PCDH15: variants seen among roughly 807,000 people sequenced by gnomAD.
PCDH15 encodes protocadherin-15.
PCDH15 carries 129 observed loss-of-function variants against 178.5 expected under a neutral mutation model. The observed-to-expected ratio is 0.72, with a 90% CI of 0.63 to 0.84. PCDH15 has a LOEUF of 0.84. Among genes scored for constraint, PCDH15 ranks in the 40% least tolerant of loss-of-function variants. The probability of loss-of-function intolerance (pLI) is 0.00; values close to 1 mark genes in which losing one functional copy is unlikely to be tolerated. For synonymous variants in PCDH15, 800 were observed against 732.0 expected, an observed-to-expected ratio of 1.09 and a Z score of -1.50; for missense variants, 2,230 against 2,099.9, an observed-to-expected ratio of 1.06 and a Z score of -1.21.
At chr10:54,936,991 T>A (rs1733767) in intron 2 of PCDH15, among the ~76,000 whole-genome samples, 20,322 of 151,900 alleles carry the variant, frequency 0.13, 1,561 homozygotes, top group East Asian at 0.23. Context: ...TACGTTGAGG[T>A]CTATCATCTA....
In PCDH15 at chr10:54,107,387, G is replaced by A. The variant is rs151283645; in HGVS notation, c.1918-17324C>T. On this transcript the variant is annotated intron_variant, in intron 15 of 37. Transcript: ENST00000644397. The stretch of plus-strand genomic sequence containing the variant: ...CATTACAACGCTTAGTATGATAACC[G>A]TTTGCTCCTATTGCGGGTATGGGCT... Among the ~76,000 whole-genome samples, 573 of 152,248 alleles carry A rather than the reference G, an allele frequency of 3.8e-3. 10 individuals carry two copies. Among genetic ancestry groups the A allele is most frequent in the African/African-American group, 0.013 (534 of 41,532 alleles).
chr10:55,442,531 A>C (rs1839221047), intron 2 of PCDH15, among the ~76,000 whole-genome samples: 1 of 143,648 alleles, frequency 7.0e-6, no homozygotes, highest in African/African-American at 2.6e-5. Flanking sequence ...CTTACCATGA[A>C]GTCTGGACTG....
chr10:54,513,093 T>A (rs2137825769), intron 3 of PCDH15, among the ~76,000 whole-genome samples: 1 of 152,116 alleles, frequency 6.6e-6, no homozygotes, highest in Non-Finnish European at 1.5e-5. Flanking sequence ...TATGAAATAT[T>A]CTTAAATGTA....
intron 3 of PCDH15, among the ~76,000 whole-genome samples, chr10:54,507,220 G>C (rs1042966212): frequency 6.6e-6 from 1 of 151,686 alleles, no homozygotes; most frequent in Admixed American, 6.6e-5. Context: ...ATCCCAATGA[G>C]CTTTTGAGGT....
chr10:54,181,589 G>T (rs1478864569), intron 13 of PCDH15, among the ~76,000 whole-genome samples: 1 of 152,088 alleles, frequency 6.6e-6, no homozygotes, highest in Non-Finnish European at 1.5e-5. Context: ...GCCATCAGCA[G>T]CTACCGTATT....
At chr10:53,816,202 G>A (rs192315805) in intron 35 of PCDH15, 37 bp downstream of exon 35, 35 of 398,718 alleles carry the variant, frequency 8.8e-5, no homozygotes, top group African/African-American at 6.8e-4. Flanking sequence ...TCACAGTGAA[G>A]GCTCAGTGAG....
chr10:54,270,784 T>C (rs2057999471), intron 8 of PCDH15, among the ~76,000 whole-genome samples: 3 of 152,300 alleles, frequency 2.0e-5, no homozygotes, highest in African/African-American at 7.2e-5. Context: ...TGGTGACTAC[T>C]TACTGCTAGA....
At chr10:54,950,008 C>A (rs1838296137) in intron 2 of PCDH15, among the ~76,000 whole-genome samples, 1 of 152,000 alleles carries the variant, frequency 6.6e-6, no homozygotes, top group Middle Eastern at 3.2e-3. Context: ...CCAAACTGTT[C>A]CAACCTCTGC....
At chr10:54,441,119 T>C (rs2075768388) in intron 3 of PCDH15, among the ~76,000 whole-genome samples, 1 of 151,914 alleles carries the variant, frequency 6.6e-6, no homozygotes, top group South Asian at 2.1e-4. Context: ...AGGGTTGCAT[T>C]CTCATCTCTG....
At chr10:53,862,650 T>C (rs1238886702) in intron 27 of PCDH15, among the ~76,000 whole-genome samples, 1 of 152,176 alleles carries the variant, frequency 6.6e-6, no homozygotes, top group Non-Finnish European at 1.5e-5. Context: ...CAGGCTCCCT[T>C]CATCCATTTT....
rs374622326 is a variant in PCDH15, at chr10:53,961,733, A to G, written c.3009+19T>C. On this transcript the variant is annotated intron_variant, in intron 22 of 37. Transcript: ENST00000644397. Reference sequence around the variant, plus strand: ...AAATTAAACATCAAATAGACCACATAATGAAAAGAGACACTGACCTTAAAA... The same window carrying G: ...AAATTAAACATCAAATAGACCACATGATGAAAAGAGACACTGACCTTAAAA... 2.5e-6 allele frequency: 4 copies of G among 1,587,946 alleles called. No homozygotes were observed. The highest frequency in any genetic ancestry group is 3.4e-6 in the Non-Finnish European group (4 of 1,165,478).
At chr10:54,680,641 T>G (rs991737946) in intron 1 of PCDH15, among the ~76,000 whole-genome samples, 6 of 152,044 alleles carry the variant, frequency 3.9e-5, no homozygotes, top group African/African-American at 1.4e-4. Flanking sequence ...CACGGGGCAT[T>G]TTCCCCCATA....
At chr10:54,179,970 G>A (rs992545979) in intron 13 of PCDH15, among the ~76,000 whole-genome samples, 14 of 152,142 alleles carry the variant, frequency 9.2e-5, no homozygotes, top group African/African-American at 3.4e-4. Context: ...AAGAAAACTA[G>A]CAATGTGTGG....
At chr10:55,147,603 C>A (rs1396241657) in intron 2 of PCDH15, among the ~76,000 whole-genome samples, 1 of 150,806 alleles carries the variant, frequency 6.6e-6, no homozygotes, top group South Asian at 2.1e-4. Flanking sequence ...TTATGTCTCT[C>A]TTTGACTCCT....
chr10:54,036,290 A>G (rs925462861), intron 18 of PCDH15, among the ~76,000 whole-genome samples: 1 of 152,002 alleles, frequency 6.6e-6, no homozygotes, highest in Non-Finnish European at 1.5e-5. Flanking sequence ...TATGCCATCT[A>G]GAACTTCCGT....
At chr10:54,889,212 C>T (rs1035621007) in intron 3 of PCDH15, among the ~76,000 whole-genome samples, 1 of 151,658 alleles carries the variant, frequency 6.6e-6, no homozygotes, top group African/African-American at 2.4e-5. Flanking sequence ...GTGAGAAAGA[C>T]CTTTGTGCAT....
At chr10:55,464,625 AATATATATATAT>A (rs201924826) in intron 2 of PCDH15, among the ~76,000 whole-genome samples, 4,271 of 62,946 alleles carry the variant, frequency 0.068, 91 homozygotes, top group East Asian at 0.34. Context: ...AATGGGAGTA[AATATATATATAT>A]ATATATATAT....
At chr10:54,310,182 T>C (rs1297583445) in intron 8 of PCDH15, among the ~76,000 whole-genome samples, 1 of 152,066 alleles carries the variant, frequency 6.6e-6, no homozygotes, top group South Asian at 2.1e-4. Flanking sequence ...ATAAGTTACT[T>C]TGAATGATAA....
chr10:54,896,944 A>G (rs1424697814), intron 3 of PCDH15, among the ~76,000 whole-genome samples: 2 of 152,204 alleles, frequency 1.3e-5, no homozygotes, highest in Non-Finnish European at 2.9e-5. Context: ...ATAAAGAGCC[A>G]TACACATATA....
Sources: allele counts gnomAD v4.1 joint callset (sites outside exome capture counted in the v4.1 genomes callset), GRCh38; gene constraint gnomAD v4.1.1; transcripts MANE v1.5; gene names NCBI Gene and HGNC (gene_info 2026-07-23, HGNC 2026-07-21).